The following SLC47A1 variants were observed in gnomAD, a reference collection of about 807,000 sequenced individuals.
SLC47A1 encodes multidrug and toxin extrusion protein 1.
Under a neutral mutation model 65.8 loss-of-function variants are expected in SLC47A1, and 58 were observed. The ratio of observed to expected loss-of-function variants is 0.88; its 90% CI spans 0.71 to 1.10. SLC47A1 has a LOEUF of 1.10. SLC47A1 is among the 50% of genes least tolerant of loss of function. The pLI, the probability that SLC47A1 is intolerant of heterozygous loss-of-function variation, is 0.00. For synonymous variants in SLC47A1, 285 were observed against 295.0 expected, an observed-to-expected ratio of 0.97 and a Z score of 0.35; for missense variants, 706 against 719.2, an observed-to-expected ratio of 0.98 and a Z score of 0.21.
chr17:19,567,367 G>A, intron 14 of SLC47A1, 139 bp downstream of exon 14: 1 of 1,299,384 alleles, frequency 7.7e-7, no homozygotes, highest in Non-Finnish European at 1.1e-6. Context: ...TTGTCAGAGA[G>A]TGTAGGGGGC....
At position 19,577,794 on chromosome 17, in the gene SLC47A1, C is replaced by A; in HGVS notation, c.*241C>A. 7.4e-7 allele frequency: 1 copy of A among 1,352,286 alleles called. No individual in the cohort carries two copies. Among genetic ancestry groups the A allele is most frequent in the Non-Finnish European group, 9.5e-7 (1 of 1,050,664 alleles). The allele number at this position is 1,352,286 out of a possible 1,614,324, so 83.8% of individuals were successfully genotyped here. A position where few individuals can be genotyped will look rare whatever the true frequency, so the allele number is the denominator to read the frequency against. ...AGTAGTAATTCACCACTATCTGAAC[C>A]AAGCAAGGATCAATGTGCTGACTGC... is the stretch of plus-strand genomic sequence containing the variant. On this transcript the variant is annotated 3_prime_UTR_variant, in exon 17 of 17. Coordinates refer to ENST00000270570, the MANE Select transcript of SLC47A1 (RefSeq NM_018242.3).
chr17:19,553,607 C>A (rs1455937119), intron 6 of SLC47A1, among the ~76,000 whole-genome samples: 6 of 150,216 alleles, frequency 4.0e-5, no homozygotes, highest in African/African-American at 1.5e-4. Flanking sequence ...AGTGACGTGA[C>A]CTCGGCTCAC....
chr17:19,566,370 C>T (rs2084357691), intron 12 of SLC47A1, among the ~76,000 whole-genome samples: 1 of 152,192 alleles, frequency 6.6e-6, no homozygotes, highest in Non-Finnish European at 1.5e-5. Context: ...AACAGGTGAA[C>T]TGTCCCTGAC....
At chr17:19,540,643 C>G (rs1916117897) in intron 1 of SLC47A1, among the ~76,000 whole-genome samples, 1 of 152,210 alleles carries the variant, frequency 6.6e-6, no homozygotes, top group Non-Finnish European at 1.5e-5. Context: ...TTCATGTCAG[C>G]CTTTTTTATT....
intron 10 of SLC47A1, chr17:19,557,445 A>G (rs576857283): frequency 5.8e-6 from 2 of 346,414 alleles, no homozygotes; most frequent in Admixed American, 3.6e-5. Context: ...TCAATTTCCT[A>G]TGGTTGAATA....
At chr17:19,539,637 A>G (rs1948488726) in intron 1 of SLC47A1, among the ~76,000 whole-genome samples, 1 of 152,044 alleles carries the variant, frequency 6.6e-6, no homozygotes, top group African/African-American at 2.4e-5. Flanking sequence ...GGTGTGCACC[A>G]CTGCACCCAG....
intron 14 of SLC47A1, among the ~76,000 whole-genome samples, chr17:19,569,484 T>TC (rs1436814235): frequency 2.6e-5 from 4 of 151,756 alleles, no homozygotes; most frequent in South Asian, 2.1e-4. Flanking sequence ...CTATAGTCAA[T>TC]CCCCCCCACC....
chr17:19,537,479 G>A (rs1472465934), intron 1 of SLC47A1, among the ~76,000 whole-genome samples: 1 of 152,212 alleles, frequency 6.6e-6, no homozygotes, highest in Non-Finnish European at 1.5e-5. Context: ...CTACAGGGAA[G>A]GTGGTTCCTT....
Position 19,578,086 on chromosome 17 carries a change from C to A in SLC47A1, c.*533C>A. 1.4e-6 allele frequency: 1 copy of A among 728,586 alleles called. No homozygotes were observed. The highest frequency in any genetic ancestry group is 2.1e-6 in the Non-Finnish European group (1 of 477,150). 45.1% of individuals were successfully genotyped at this position (728,586 alleles called of 1,614,324 possible). On this transcript the variant is annotated 3_prime_UTR_variant, in exon 17 of 17. Transcript: ENST00000270570. ...CAGCCTCGAACTCTTGGGCTTCAAG[C>A]AATCCTCCTGTGTCAGCCACCAGAG...
intron 14 of SLC47A1, 112 bp downstream of exon 14, chr17:19,567,340 C>A: frequency 1.3e-5 from 19 of 1,458,090 alleles, no homozygotes; most frequent in Non-Finnish European, 1.8e-5. Context: ...GGAGCTCGCC[C>A]ACGTCCATTC....
chr17:19,566,504 C>T (rs59893711), intron 12 of SLC47A1, among the ~76,000 whole-genome samples: 3,925 of 152,222 alleles, frequency 0.026, 165 homozygotes, highest in African/African-American at 0.089. Flanking sequence ...CAGCTCACTG[C>T]AACCTCTGCC....
At chr17:19,567,843 A>C (rs1432671877) in intron 14 of SLC47A1, 1 of 153,472 alleles carries the variant, frequency 6.5e-6, no homozygotes, top group Non-Finnish European at 1.4e-5. Flanking sequence ...GTGCAGCCTT[A>C]GCTCTGTGCC....
At position 19,542,052 on chromosome 17, in the gene SLC47A1, G is replaced by GA. The variant is rs568467395; in HGVS notation, c.136-340dup. 5.3e-3 allele frequency among the ~76,000 whole-genome samples: 802 copies of GA among 152,256 alleles called. 4 individuals are homozygous for GA. The highest frequency in any genetic ancestry group is 8.5e-3 in the Non-Finnish European group (578 of 68,024). On this transcript the variant is annotated intron_variant, in intron 1 of 16. Coordinates refer to ENST00000270570, the MANE Select transcript of SLC47A1 (RefSeq NM_018242.3). ...AGGCAGGAGAATTGCTTGAACCTGG[G>GA]AGGCGGAGGTTGCAGTGAGCCAAGA...
In SLC47A1 at chr17:19,567,103, G is replaced by A. The variant is rs1456643156; in HGVS notation, c.1184G>A (p.Ser395Asn). ...AATGCTCTCTGCCTGCAGTGCACGA[G>A]TGGTGGTGTTCTGAGGGGGAGTGGA... ...SHLFEALACT[S>N]GGVLRGSGNQ... The change falls in exon 14 of 17, where the codon AGT becomes AAT. Residue 395 changes from serine (S) to asparagine (N), a missense_variant. By Grantham distance (46) the Ser-to-Asn change is conservative. Transcript: ENST00000270570. The A allele has an allele frequency of 7.4e-6, 12 of 1,614,120 alleles. No individual in the cohort carries two copies. In the Middle Eastern group the frequency reaches 4.9e-4, roughly 66 times the overall value.
At chr17:19,541,224 G>C (rs1916139141) in intron 1 of SLC47A1, among the ~76,000 whole-genome samples, 2 of 152,166 alleles carry the variant, frequency 1.3e-5, no homozygotes, top group Non-Finnish European at 2.9e-5. Context: ...CCAACTCTGG[G>C]GTATCAGCTT....
chr17:19,566,549 C>CA (rs2152316595), intron 12 of SLC47A1, among the ~76,000 whole-genome samples: 1 of 152,260 alleles, frequency 6.6e-6, no homozygotes, highest in South Asian at 2.1e-4. Flanking sequence ...CCTCAGCCTC[C>CA]TGAGTAGCTG....
chr17:19,559,742 A>T (rs2084292373), intron 10 of SLC47A1, among the ~76,000 whole-genome samples: 1 of 152,070 alleles, frequency 6.6e-6, no homozygotes, highest in African/African-American at 2.4e-5. Context: ...CATGTTGGCC[A>T]GGCTGGTCTC....
chr17:19,557,911 A>G (rs1916666060), intron 10 of SLC47A1: 1 of 187,746 alleles, frequency 5.3e-6, no homozygotes, highest in Non-Finnish European at 1.1e-5. Flanking sequence ...AAAAAAAAAA[A>G]AAAGATTCAT....
intron 16 of SLC47A1, among the ~76,000 whole-genome samples, chr17:19,574,150 T>C (rs1181450026): frequency 1.3e-5 from 2 of 152,012 alleles, no homozygotes; most frequent in East Asian, 3.9e-4. Context: ...CTCGAACTCC[T>C]GACCACAAGT....
Sources: gnomAD v4.1 joint callset for allele counts (sites outside exome capture counted in the v4.1 genomes callset) on GRCh38, gnomAD v4.1.1 for gene constraint, MANE v1.5 for transcripts, NCBI Gene and HGNC (gene_info 2026-07-23, HGNC 2026-07-21) for gene names.